PCDH11X: variants seen among roughly 807,000 people sequenced by gnomAD.
PCDH11X encodes protocadherin-11 X-linked.
In PCDH11X, 18 loss-of-function variants were observed where a neutral mutation model predicts 53.3. The ratio of observed to expected loss-of-function variants is 0.34; its 90% CI spans 0.23 to 0.50. The LOEUF is 0.50. PCDH11X is among the 20% of genes least tolerant of loss of function. The pLI is 0.98. For synonymous variants in PCDH11X, 279 were observed against 393.3 expected, an observed-to-expected ratio of 0.71 and a Z score of 3.44; for missense variants, 570 against 1,032.4, an observed-to-expected ratio of 0.55 and a Z score of 6.14.
chrX:92,096,311 T>C (rs998820211), intron 6 of PCDH11X, among the ~76,000 whole-genome samples: 18 of 110,832 alleles, frequency 1.6e-4, no homozygotes, highest in Non-Finnish European at 2.8e-4. Context: ...CTTTATGATT[T>C]AATATACAAG....
chrX:92,114,062 A>C, intron 6 of PCDH11X: 1 of 1,179,368 alleles, frequency 8.5e-7, no homozygotes, highest in East Asian at 3.0e-5. Flanking sequence ...CCCCTGATAC[A>C]GGCATGACAG....
intron 5 of PCDH11X, among the ~76,000 whole-genome samples, chrX:91,848,287 C>A (rs1463272590): frequency 9.1e-6 from 1 of 109,416 alleles, no homozygotes; most frequent in African/African-American, 3.3e-5. Flanking sequence ...GCAGACTCCG[C>A]CCCATGGGGG....
chrX:91,970,154 G>A (rs2061932980), intron 6 of PCDH11X, among the ~76,000 whole-genome samples: 1 of 111,118 alleles, frequency 9.0e-6, no homozygotes, highest in South Asian at 3.8e-4. Context: ...CCTTCACAGT[G>A]AGTGTTACAG....
At chrX:92,363,582 A>G (rs1333042736) in intron 8 of PCDH11X, among the ~76,000 whole-genome samples, 9 of 109,487 alleles carry the variant, frequency 8.2e-5, no homozygotes, top group African/African-American at 3.0e-4. Context: ...TATACATCTA[A>G]TATCATGCCA....
intron 6 of PCDH11X, among the ~76,000 whole-genome samples, chrX:92,037,807 T>G (rs778431312): frequency 3.9e-4 from 43 of 110,902 alleles, no homozygotes; most frequent in African/African-American, 1.4e-3. Flanking sequence ...ATGTTGAGGG[T>G]TTTTTGTGTA....
intron 10 of PCDH11X, among the ~76,000 whole-genome samples, chrX:92,604,824 G>A (rs1438319411): frequency 9.2e-5 from 10 of 108,793 alleles, no homozygotes; most frequent in African/African-American, 2.0e-4. Context: ...TTTAAAATAT[G>A]TTACCAGAAA....
intron 6 of PCDH11X, among the ~76,000 whole-genome samples, chrX:92,101,044 C>T (rs904525790): frequency 9.0e-6 from 1 of 111,390 alleles, no homozygotes; most frequent in African/African-American, 3.3e-5. Context: ...TAGAGAGTGC[C>T]TAAGGAGATT....
intron 6 of PCDH11X, among the ~76,000 whole-genome samples, chrX:92,000,923 T>A (rs1333118283): frequency 5.3e-5 from 5 of 94,840 alleles, no homozygotes; most frequent in Non-Finnish European, 8.4e-5. Context: ...TATTTTGATG[T>A]CTGAATGGTA....
chrX:92,534,959 A>G (rs2074629606), intron 10 of PCDH11X, among the ~76,000 whole-genome samples: 1 of 111,549 alleles, frequency 9.0e-6, no homozygotes, highest in Non-Finnish European at 1.9e-5. Context: ...GTGCCAAATC[A>G]AAACCACAGT....
chrX:91,980,995 TAC>T (rs1190221155), intron 6 of PCDH11X, among the ~76,000 whole-genome samples: 1 of 97,484 alleles, frequency 1.0e-5, no homozygotes, highest in African/African-American at 3.8e-5. Flanking sequence ...TATATATATA[TAC>T]ACTGAATATA....
chrX:92,575,905 GTATATA>G lies in PCDH11X; in HGVS notation c.3368-42324_3368-42319del, dbSNP rs58574424. Among the ~76,000 whole-genome samples, 222 of 25,686 alleles carry G rather than the reference GTATATA, an allele frequency of 8.6e-3. 2 individuals are homozygous for G. The highest frequency in any genetic ancestry group is 0.02 in the South Asian group (4 of 202). 22.3% of individuals were successfully genotyped at this position (25,686 alleles called of 115,157 possible). Reference sequence around the variant, plus strand: ...CGGAATTTTGTAGGTTACCTGGTGTGTATATATATATATATATATATATATATATAT... The same window carrying G: ...CGGAATTTTGTAGGTTACCTGGTGTGTATATATATATATATATATATATAT... On this transcript the variant is annotated intron_variant, in intron 10 of 10. Transcript: ENST00000682573.
chrX:91,962,875 T>G (rs1298178604), intron 6 of PCDH11X, among the ~76,000 whole-genome samples: 1 of 111,529 alleles, frequency 9.0e-6, no homozygotes, highest in African/African-American at 3.3e-5. Flanking sequence ...GCTTGCATCC[T>G]CCAAAGTAAC....
At chrX:91,942,119 A>G (rs2061518526) in intron 6 of PCDH11X, among the ~76,000 whole-genome samples, 1 of 110,256 alleles carries the variant, frequency 9.1e-6, no homozygotes, top group African/African-American at 3.3e-5. Flanking sequence ...AAAAAAGAAA[A>G]GAATCAAGGA....
chrX:92,275,776 T>C (rs969886520), intron 8 of PCDH11X, among the ~76,000 whole-genome samples: 4 of 111,274 alleles, frequency 3.6e-5, no homozygotes, highest in East Asian at 2.8e-4. Context: ...TGATAACAGG[T>C]TTTAATCCTT....
At chrX:92,252,374 TAC>T (rs757873528) in intron 7 of PCDH11X, among the ~76,000 whole-genome samples, 3,109 of 104,106 alleles carry the variant, frequency 0.03, 28 homozygotes, top group Non-Finnish European at 0.042. Flanking sequence ...TTTGTCATGT[TAC>T]ACACACACAC....
At chrX:91,863,407 A>ACTACAGGT (rs780257852) in intron 5 of PCDH11X, among the ~76,000 whole-genome samples, 67 of 111,672 alleles carry the variant, frequency 6.0e-4, no homozygotes, top group African/African-American at 1.9e-3. Context: ...GTTTGATATA[A>ACTACAGGT]GTATAGCTAC....
chrX:92,178,590 T>A (rs1301447035), intron 6 of PCDH11X, among the ~76,000 whole-genome samples: 1 of 111,981 alleles, frequency 8.9e-6, no homozygotes, highest in Non-Finnish European at 1.9e-5. Context: ...ATTAATGAGA[T>A]AATTATGAAG....
intron 5 of PCDH11X, among the ~76,000 whole-genome samples, chrX:91,876,191 G>A (rs767610092): frequency 7.1e-4 from 79 of 110,784 alleles, no homozygotes; most frequent in Middle Eastern, 4.6e-3. Flanking sequence ...AGAATGATAC[G>A]ATGGACATTG....
At chrX:91,889,974 A>T (rs1434015894) in intron 6 of PCDH11X, among the ~76,000 whole-genome samples, 2 of 109,638 alleles carry the variant, frequency 1.8e-5, no homozygotes, top group East Asian at 5.8e-4. Context: ...GTATAAAGAC[A>T]TACACTTATT....
Sources: gnomAD v4.1 joint callset for allele counts (sites outside exome capture counted in the v4.1 genomes callset) on GRCh38, gnomAD v4.1.1 for gene constraint, MANE v1.5 for transcripts, NCBI Gene and HGNC (gene_info 2026-07-23, HGNC 2026-07-21) for gene names.